The following CAMK1D variants were observed in gnomAD, a reference collection of about 807,000 sequenced individuals.
The protein encoded by CAMK1D is calcium/calmodulin dependent protein kinase ID.
A neutral mutation model predicts 47.7 loss-of-function variants in CAMK1D; 9 were observed. The ratio of observed to expected loss-of-function variants is 0.19; its 90% CI spans 0.11 to 0.33. The LOEUF (loss-of-function observed/expected upper bound fraction) is 0.33. Ranked by LOEUF, CAMK1D falls within the 10% of genes least tolerant of loss-of-function variation. CAMK1D has a pLI of 1.00. For missense variants in CAMK1D, 291 were observed against 488.7 expected, an observed-to-expected ratio of 0.60 and a Z score of 3.81; for synonymous variants, 184 against 184.9, an observed-to-expected ratio of 0.99 and a Z score of 0.04.
chr10:12,778,331 C>T (rs1837356264), intron 5 of CAMK1D, among the ~76,000 whole-genome samples: 1 of 152,318 alleles, frequency 6.6e-6, no homozygotes, highest in South Asian at 2.1e-4. Flanking sequence ...GGACTATAAG[C>T]ACTTGGAACT....
chr10:12,388,258 C>T lies in CAMK1D; in HGVS notation c.92+38348C>T, dbSNP rs140274535. ...GCCAGGCTGATCTCGAACTCCTGAC[C>T]TCAGGTGATCCGCTGGCCTTGACCT... is the stretch of plus-strand genomic sequence containing the variant. On this transcript the variant is annotated intron_variant, in intron 1 of 10. Coordinates refer to ENST00000619168, the MANE Select transcript of CAMK1D (RefSeq NM_153498.4). Among the ~76,000 whole-genome samples the T allele has an allele frequency of 9.3e-3, 1,410 of 152,242 alleles. 20 individuals are homozygous for T. Among genetic ancestry groups the T allele is most frequent in the African/African-American group, 0.032 (1,313 of 41,548 alleles).
intron 1 of CAMK1D, among the ~76,000 whole-genome samples, chr10:12,550,256 C>CGAAT (rs1244236600): frequency 6.6e-6 from 1 of 152,194 alleles, no homozygotes; most frequent in African/African-American, 2.4e-5. Flanking sequence ...ACTGAATGAA[C>CGAAT]GAATGAATGA....
intron 6 of CAMK1D, among the ~76,000 whole-genome samples, chr10:12,812,983 G>T (rs1231593335): frequency 6.6e-6 from 1 of 152,214 alleles, no homozygotes; most frequent in Non-Finnish European, 1.5e-5. Context: ...AAGTAGCATT[G>T]AAACTGATTT....
chr10:12,537,289 C>A (rs1414535195), intron 1 of CAMK1D, among the ~76,000 whole-genome samples: 1 of 152,210 alleles, frequency 6.6e-6, no homozygotes, highest in African/African-American at 2.4e-5. Flanking sequence ...CAAGGCTGGT[C>A]TCGAACTCCT....
intron 1 of CAMK1D, among the ~76,000 whole-genome samples, chr10:12,503,289 C>T (rs1225636076): frequency 6.6e-6 from 1 of 152,132 alleles, no homozygotes; most frequent in Non-Finnish European, 1.5e-5. Context: ...TGCTCCTCGC[C>T]CCGCCTGATG....
At chr10:12,477,780 G>C (rs1165608319) in intron 1 of CAMK1D, among the ~76,000 whole-genome samples, 1 of 152,144 alleles carries the variant, frequency 6.6e-6, no homozygotes, top group Admixed American at 6.5e-5. Flanking sequence ...ATGCCAGAGG[G>C]GAAAGGTGAT....
In CAMK1D at chr10:12,487,606, C is replaced by T. The variant is rs550398725; in HGVS notation, c.93-65619C>T. Among the ~76,000 whole-genome samples, 6 of 152,336 alleles carry T rather than the reference C, an allele frequency of 3.9e-5. No homozygotes were observed. In the South Asian group the frequency reaches 8.3e-4, roughly 21 times the overall value. ...ATCCTTTTCAAATCAATGCCTGCAG[C>T]GAGCTCAGCTCATCATTGCAATGCC... On this transcript the variant is annotated intron_variant, in intron 1 of 10. Transcript: ENST00000619168.
At chr10:12,592,034 T>G (rs1838011855) in intron 2 of CAMK1D, among the ~76,000 whole-genome samples, 1 of 149,198 alleles carries the variant, frequency 6.7e-6, no homozygotes, top group Non-Finnish European at 1.5e-5. Context: ...CCAATTTGTC[T>G]TTTCTTATTT....
At chr10:12,656,142 C>G (rs1840109323) in intron 2 of CAMK1D, among the ~76,000 whole-genome samples, 1 of 152,214 alleles carries the variant, frequency 6.6e-6, no homozygotes, top group Non-Finnish European at 1.5e-5. Flanking sequence ...GTGTCAGAGA[C>G]AGAACCAGCT....
At chr10:12,450,999 C>T (rs921099476) in intron 1 of CAMK1D, among the ~76,000 whole-genome samples, 8 of 152,138 alleles carry the variant, frequency 5.3e-5, no homozygotes, top group Admixed American at 3.9e-4. Context: ...CCTAGACCTG[C>T]CCGCCATGTA....
chr10:12,766,127 G>A (rs1186662755), intron 4 of CAMK1D, among the ~76,000 whole-genome samples: 1 of 151,626 alleles, frequency 6.6e-6, no homozygotes. Flanking sequence ...CACCACGCCC[G>A]GCTAGTTTTG....
Position 12,816,306 on chromosome 10 carries a change from G to A in CAMK1D, c.811G>A (p.Glu271Lys), listed in dbSNP as rs1367464554. ...GGACCCGAATAAAAGATACACGTGT[G>A]AGCAGGCAGCTCGGCACCCATGGTA... ...EKDPNKRYTC[E>K]QAARHPWIAG... The change falls in exon 8 of 11, where the codon GAG (glutamate) becomes AAG (lysine). Residue 271 changes from glutamate (E) to lysine (K), a missense_variant. Physicochemically the swap from Glu to Lys is moderately conservative, Grantham distance 56. Transcript: ENST00000619168. 2 of 1,613,556 alleles carry A rather than the reference G, an allele frequency of 1.2e-6. No individual in the cohort carries two copies. The highest frequency in any genetic ancestry group is 1.1e-5 in the South Asian group (1 of 90,964).
rs899344541 is a variant in CAMK1D, at chr10:12,449,976, C to T, written c.92+100066C>T. On this transcript the variant is annotated intron_variant, in intron 1 of 10. Coordinates refer to ENST00000619168, the MANE Select transcript of CAMK1D (RefSeq NM_153498.4). ...TTACACCACTGTACTCCAGCCTGGG[C>T]GACAGAGCGAGACTCCATCTCAAAA... 9.9e-5 allele frequency among the ~76,000 whole-genome samples: 15 copies of T among 152,022 alleles called. No individual in the cohort carries two copies. In the East Asian group the frequency reaches 1.7e-3, roughly 18 times the overall value.
chr10:12,404,123 G>A (rs569945501), intron 1 of CAMK1D, among the ~76,000 whole-genome samples: 39 of 151,548 alleles, frequency 2.6e-4, no homozygotes, highest in African/African-American at 8.5e-4. Flanking sequence ...TCACCTCACC[G>A]CAACCTCCGC....
At chr10:12,535,212 C>T (rs1452717023) in intron 1 of CAMK1D, among the ~76,000 whole-genome samples, 1 of 152,218 alleles carries the variant, frequency 6.6e-6, no homozygotes, top group Non-Finnish European at 1.5e-5. Flanking sequence ...GTCCTTTGCA[C>T]ATCTGTGCGC....
intron 1 of CAMK1D, among the ~76,000 whole-genome samples, chr10:12,454,966 CAGG>C (rs1350917497): frequency 1.4e-4 from 22 of 152,302 alleles, no homozygotes; most frequent in African/African-American, 4.1e-4. Flanking sequence ...AATGTGTGAG[CAGG>C]CCGGCCGGCT....
chr10:12,454,551 T>G (rs1181259049), intron 1 of CAMK1D, among the ~76,000 whole-genome samples: 1 of 146,684 alleles, frequency 6.8e-6, no homozygotes, highest in Admixed American at 6.8e-5. Context: ...CAGCCTCAAA[T>G]TCCTGGGCTC....
intron 1 of CAMK1D, 87 bp from the exon 2 acceptor site, chr10:12,553,138 A>C (rs1836642044): frequency 6.3e-7 from 1 of 1,595,446 alleles, no homozygotes; most frequent in Admixed American, 1.7e-5. Context: ...GTTATTGTTT[A>C]CTCAAACTTC....
intron 3 of CAMK1D, among the ~76,000 whole-genome samples, chr10:12,724,787 T>C (rs1239326027): frequency 2.6e-5 from 4 of 151,910 alleles, no homozygotes; most frequent in Non-Finnish European, 5.9e-5. Context: ...TCTAGCCAGG[T>C]GACAGAATGT....
Sources: gnomAD v4.1 joint callset for allele counts (sites outside exome capture counted in the v4.1 genomes callset) on GRCh38, gnomAD v4.1.1 for gene constraint, MANE v1.5 for transcripts, NCBI Gene and HGNC (gene_info 2026-07-23, HGNC 2026-07-21) for gene names.